PRG4: variants seen among roughly 807,000 people sequenced by gnomAD.
PRG4 encodes articular superficial zone protein.
A neutral mutation model predicts 91.2 loss-of-function variants in PRG4; 61 were observed. That is an observed-to-expected ratio of 0.67 (90% CI 0.54 to 0.83). PRG4 has a LOEUF of 0.83. Among genes scored for constraint, PRG4 ranks in the 40% least tolerant of loss-of-function variants. The pLI is 0.00. For missense variants in PRG4, 1,564 were observed against 1,714.2 expected (o/e 0.91, Z 1.55); for synonymous variants, 576 against 614.2 (o/e 0.94, Z 0.92).
chr1:186,309,876 C>A lies in PRG4; in HGVS notation c.3499+6C>A, dbSNP rs754028566. 39 of 1,608,810 alleles carry A rather than the reference C, an allele frequency of 2.4e-5. No homozygotes were observed. Among genetic ancestry groups the A allele is most frequent in the Non-Finnish European group, 3.2e-5 (38 of 1,175,338 alleles). On this transcript the variant is annotated splice_donor_region_variant and intron_variant, in intron 8 of 12. Transcript: ENST00000445192. ...GACATTAGTTGCATTCCGAGGTGAG[C>A]TATGTACACATTTATTTTTCTTCTC...
rs563461184 is a variant in PRG4, at chr1:186,311,364, A to G, written c.3637-76A>G. On this transcript the variant is annotated intron_variant, in intron 9 of 12. Coordinates refer to ENST00000445192, the MANE Select transcript of PRG4 (RefSeq NM_005807.6). Reference sequence around the variant, plus strand: ...TTAACCAAGTTAACACGTTCTCTCTATACTTAAATCTAGAAAGGAGTTCCA... The same window carrying G: ...TTAACCAAGTTAACACGTTCTCTCTGTACTTAAATCTAGAAAGGAGTTCCA... 245 of 1,499,990 alleles carry G rather than the reference A, an allele frequency of 1.6e-4. 1 individual carries two copies. In the East Asian group the frequency reaches 5.4e-3, roughly 33 times the overall value. 92.9% of individuals were successfully genotyped at this position (1,499,990 alleles called of 1,614,324 possible).
intron 6 of PRG4, 48 bp from the exon 7 acceptor site, chr1:186,306,270 A>C (rs1656547050): frequency 4.8e-6 from 7 of 1,444,426 alleles, no homozygotes; most frequent in Non-Finnish European, 6.6e-6. Flanking sequence ...GTCACTATTA[A>C]AGAAAAAAAA....
chr1:186,303,555 T>C (rs1432489497), intron 4 of PRG4, among the ~76,000 whole-genome samples: 1 of 151,778 alleles, frequency 6.6e-6, no homozygotes, highest in Non-Finnish European at 1.5e-5. Flanking sequence ...CACCAAACCA[T>C]TAAGTTGTAT....
intron 6 of PRG4, among the ~76,000 whole-genome samples, 198 bp from the exon 7 acceptor site, chr1:186,306,120 C>T (rs553492755): frequency 2.0e-4 from 30 of 152,212 alleles, no homozygotes; most frequent in African/African-American, 6.7e-4. Context: ...TTTTTCATCC[C>T]TCATCTCATT....
chr1:186,302,589 C>T (rs1448342331), intron 4 of PRG4, among the ~76,000 whole-genome samples: 1 of 152,170 alleles, frequency 6.6e-6, no homozygotes, highest in South Asian at 2.1e-4. Context: ...GAAGAAAGAT[C>T]GGAAAACTGC....
chr1:186,311,666 TGAC>T (rs1657249526), intron 10 of PRG4, 70 bp downstream of exon 10: 2 of 1,456,540 alleles, frequency 1.4e-6, no homozygotes, highest in African/African-American at 2.8e-5. Context: ...CATTTATTAT[TGAC>T]TTTACTGTCA....
At chr1:186,301,851 GT>G (rs557846318) in intron 4 of PRG4, 140 bp downstream of exon 4, 251 of 1,269,976 alleles carry the variant, frequency 2.0e-4, no homozygotes, top group Middle Eastern at 1.3e-3. Context: ...TAATAATTTT[GT>G]TTTGTGGAGA....
chr1:186,312,412 G>A, intron 11 of PRG4, 40 bp downstream of exon 11: 1 of 1,538,402 alleles, frequency 6.5e-7, no homozygotes, highest in Non-Finnish European at 8.9e-7. Context: ...TTAAACATAA[G>A]TAGATGTAAT....
rs763102061 is a variant in PRG4 at position 186,308,625 on chromosome 1, C to T, written c.2906C>T (p.Thr969Ile). 1.9e-6 allele frequency: 3 copies of T among 1,612,940 alleles called. No homozygotes were observed. ...QVTSTTTQDTTPFKITTLKTT... is the reference protein window; with the variant it reads ...QVTSTTTQDTIPFKITTLKTT... ...ACATCTACCACAACTCAAGATACCA[C>T]ACCATTCAAAATTACTACTCTTAAA... Residue 969 changes from threonine (T) to isoleucine (I), a missense_variant, in exon 7 of 13, where the codon ACA (threonine) becomes ATA (isoleucine). Coordinates refer to ENST00000445192, the MANE Select transcript of PRG4 (RefSeq NM_005807.6).
intron 3 of PRG4, 73 bp from the exon 4 acceptor site, chr1:186,301,519 G>T: frequency 6.2e-7 from 1 of 1,603,980 alleles, no homozygotes; most frequent in African/African-American, 1.3e-5. Flanking sequence ...GTCTAAGGTG[G>T]GAAATGGCTG....
chr1:186,312,086 T>G, intron 10 of PRG4, 89 bp from the exon 11 acceptor site: 1 of 1,073,294 alleles, frequency 9.3e-7, no homozygotes, highest in Non-Finnish European at 1.4e-6. Flanking sequence ...CAAAACTGTT[T>G]CCTATACATT....
In PRG4 at chr1:186,301,678, T is replaced by G; in HGVS notation, c.286T>G (p.Cys96Gly). ...CGCCCAATGTAAGAAGTATGACAAG[T>G]GCTGTCCCGATTATGAGAGTTTCTG... ...CDAQCKKYDK[C>G]CPDYESFCAE... The change falls in exon 4 of 13, where the codon TGC becomes GGC. Residue 96 changes from cysteine (C) to glycine (G), a missense_variant. This residue lies in a region of PRG4 where 437 missense variants were observed against 459.0 expected (regional missense o/e 0.95). Transcript: ENST00000445192. The G allele has an allele frequency of 6.2e-7, 1 of 1,613,802 alleles. No homozygotes were observed. The highest frequency in any genetic ancestry group is 8.5e-7 in the Non-Finnish European group (1 of 1,179,742).
At position 186,301,723 on chromosome 1, in the gene PRG4, A is replaced by G. The variant is rs753899754; in HGVS notation, c.319+12A>G. The G allele has an allele frequency of 6.3e-5, 102 of 1,612,808 alleles. No individual in the cohort carries two copies. Among genetic ancestry groups the G allele is most frequent in the Middle Eastern group, 3.3e-4 (2 of 6,082 alleles). The stretch of plus-strand genomic sequence containing the variant: ...TTTCTGTGCAGAAGGTAAGCATCAC[A>G]GTACCAACCAATGCTTCTCAGTACA... On this transcript the variant is annotated intron_variant, in intron 4 of 12. Coordinates refer to ENST00000445192, the MANE Select transcript of PRG4 (RefSeq NM_005807.6).
At chr1:186,303,456 A>T (rs1656347513) in intron 4 of PRG4, among the ~76,000 whole-genome samples, 1 of 18,598 alleles carries the variant, frequency 5.4e-5, no homozygotes, top group Admixed American at 5.2e-4. Flanking sequence ...TCTTGTTCCT[A>T]AAAAAAAAAA....
chr1:186,307,633 G>A lies in PRG4; in HGVS notation c.1914G>A (p.Glu638=). ...TPEKLAPTTP[E]KPAPTTPEEL... Reference sequence around the variant, plus strand: ...AGAAGCTCGCACCCACCACCCCTGAGAAGCCCGCACCCACCACCCCTGAGG... The same window carrying A: ...AGAAGCTCGCACCCACCACCCCTGAAAAGCCCGCACCCACCACCCCTGAGG... The change falls in exon 7 of 13, where the codon GAG becomes GAA. Residue 638 remains glutamate (E), a synonymous_variant. Coordinates refer to ENST00000445192, the MANE Select transcript of PRG4 (RefSeq NM_005807.6). The A allele has an allele frequency of 6.4e-7, 1 of 1,568,370 alleles. No individual in the cohort carries two copies. The highest frequency in any genetic ancestry group is 8.6e-7 in the Non-Finnish European group (1 of 1,164,798).
Position 186,309,126 on chromosome 1 carries a change from A to C in PRG4, c.3407A>C (p.Asn1136Thr). The C allele has an allele frequency of 6.2e-7, 1 of 1,612,724 alleles. No homozygotes were observed. The highest frequency in any genetic ancestry group is 8.5e-7 in the Non-Finnish European group (1 of 1,179,096). Residue 1136 changes from asparagine (N) to threonine (T), a missense_variant, in exon 7 of 13, where the codon AAT becomes ACT. Physicochemically the swap from Asn to Thr is moderately conservative, Grantham distance 65 (BLOSUM62 0). Transcript: ENST00000445192. ...PRVPNQGIII[N>T]PMLSDETNIC... Reference sequence around the variant, plus strand: ...GTACCCAATCAAGGCATTATCATCAATCCCATGCTTTCCGGTATTAAGAAT... The same window carrying C: ...GTACCCAATCAAGGCATTATCATCACTCCCATGCTTTCCGGTATTAAGAAT...
chr1:186,312,720 G>C (rs1333956752), intron 11 of PRG4, 49 bp from the exon 12 acceptor site: 35 of 1,589,960 alleles, frequency 2.2e-5, no homozygotes, highest in Non-Finnish European at 2.8e-5. Context: ...TTCCAAGATA[G>C]TACATTGCCT....
At position 186,314,342 on chromosome 1, in the gene PRG4, A is replaced by G; in HGVS notation, c.*564A>G. The G allele has an allele frequency of 2.6e-6, 1 of 385,636 alleles. No individual in the cohort carries two copies. The highest frequency in any genetic ancestry group is 4.6e-6 in the Non-Finnish European group (1 of 216,878). 23.9% of individuals were successfully genotyped at this position (385,636 alleles called of 1,614,324 possible). A position where few individuals can be genotyped will look rare whatever the true frequency, so the allele number is the denominator to read the frequency against. On this transcript the variant is annotated 3_prime_UTR_variant, in exon 13 of 13. Transcript: ENST00000445192. Reference sequence around the variant, plus strand: ...AATGGCAATAGGTAGAGATACAACAAATGAATATAACACTATAACACTTCA... The same window carrying G: ...AATGGCAATAGGTAGAGATACAACAGATGAATATAACACTATAACACTTCA...
chr1:186,306,371 G>C lies in PRG4; in HGVS notation c.652G>C (p.Val218Leu). 1 of 1,612,776 alleles carries C rather than the reference G, an allele frequency of 6.2e-7. No individual in the cohort carries two copies. Among genetic ancestry groups the C allele is most frequent in the Non-Finnish European group, 8.5e-7 (1 of 1,179,386 alleles). ...TKKKPTPKPPVVDEAGSGLDN... is the reference protein window; with the variant it reads ...TKKKPTPKPPLVDEAGSGLDN... ...AAAGAAACCTACCCCCAAACCACCA[G>C]TTGTAGATGAAGCTGGAAGTGGATT... The change falls in exon 7 of 13, where the codon GTT (valine) becomes CTT (leucine). Residue 218 changes from valine to leucine, a missense_variant. By Grantham distance (32) the Val-to-Leu change is conservative. This residue lies in a region of PRG4 where 437 missense variants were observed against 459.0 expected (regional missense o/e 0.95). Coordinates refer to ENST00000445192, the MANE Select transcript of PRG4 (RefSeq NM_005807.6).
Sources: allele counts gnomAD v4.1 joint callset (sites outside exome capture counted in the v4.1 genomes callset), GRCh38; gene constraint gnomAD v4.1.1; regional missense constraint gnomAD v4.1.1; transcripts MANE v1.5; gene names NCBI Gene and HGNC (gene_info 2026-07-23, HGNC 2026-07-21).